Variants in CACNA2D3 observed in about 807,000 individuals in gnomAD.
The protein encoded by CACNA2D3 is voltage-dependent calcium channel subunit alpha-2/delta-3.
In CACNA2D3, 60 loss-of-function variants were observed where a neutral mutation model predicts 160.6. That is an observed-to-expected ratio of 0.37 (90% confidence interval 0.30 to 0.46). The LOEUF is 0.46. CACNA2D3 is among the 20% of genes least tolerant of loss of function. The pLI is 1.00. For synonymous variants in CACNA2D3, 558 were observed against 492.9 expected (o/e 1.13, Z -1.75); for missense variants, 1,205 against 1,365.0 (o/e 0.88, Z 1.85).
intron 17 of CACNA2D3, among the ~76,000 whole-genome samples, chr3:54,870,201 C>T (rs546600499): frequency 1.2e-3 from 177 of 152,296 alleles, no homozygotes; most frequent in Non-Finnish European, 2.1e-3. Flanking sequence ...GCCCTCCCCT[C>T]ATCCCACTGG....
intron 4 of CACNA2D3, among the ~76,000 whole-genome samples, chr3:54,403,538 A>C (rs1195652854): frequency 2.0e-5 from 3 of 152,204 alleles, no homozygotes; most frequent in Non-Finnish European, 2.9e-5. Context: ...AATATTTCAA[A>C]TAATAAGAAG....
intron 13 of CACNA2D3, among the ~76,000 whole-genome samples, chr3:54,791,669 A>G (rs1261100873): frequency 6.6e-6 from 1 of 152,074 alleles, no homozygotes; most frequent in South Asian, 2.1e-4. Context: ...CTTTTTTTCC[A>G]CTTCAAAACA....
At chr3:55,046,042 A>G (rs914463993) in intron 35 of CACNA2D3, among the ~76,000 whole-genome samples, 4 of 151,702 alleles carry the variant, frequency 2.6e-5, no homozygotes, top group Non-Finnish European at 5.9e-5. Context: ...TCTCTGAAGT[A>G]CTTCTTTAAC....
intron 4 of CACNA2D3, among the ~76,000 whole-genome samples, chr3:54,499,176 A>G (rs1701249002): frequency 6.6e-6 from 1 of 152,118 alleles, no homozygotes; most frequent in African/African-American, 2.4e-5. Flanking sequence ...TCTCTGTTAG[A>G]CACCACTTCC....
intron 2 of CACNA2D3, among the ~76,000 whole-genome samples, chr3:54,307,427 A>C (rs1244820959): frequency 6.6e-6 from 1 of 152,142 alleles, no homozygotes; most frequent in East Asian, 1.9e-4. Context: ...GGAGGCAATG[A>C]GATGTTTCCA....
At chr3:54,546,855 C>T (rs1042167540) in intron 5 of CACNA2D3, among the ~76,000 whole-genome samples, 1 of 152,166 alleles carries the variant, frequency 6.6e-6, no homozygotes, top group Non-Finnish European at 1.5e-5. Context: ...TTAAAAGACT[C>T]CCATTTCTTC....
At chr3:54,223,525 T>G (rs539043233) in intron 2 of CACNA2D3, among the ~76,000 whole-genome samples, 1 of 152,298 alleles carries the variant, frequency 6.6e-6, no homozygotes, top group East Asian at 1.9e-4. Flanking sequence ...TACTGCATAC[T>G]ACTGTAGACT....
intron 4 of CACNA2D3, among the ~76,000 whole-genome samples, chr3:54,469,236 C>T (rs1431437224): frequency 1.3e-5 from 2 of 152,324 alleles, no homozygotes; most frequent in Non-Finnish European, 1.5e-5. Context: ...AAGGAACAGG[C>T]AGCAGTCTTT....
At chr3:54,350,995 T>C (rs867309832) in intron 3 of CACNA2D3, among the ~76,000 whole-genome samples, 1 of 119,276 alleles carries the variant, frequency 8.4e-6, no homozygotes, top group Non-Finnish European at 1.8e-5. Context: ...TGTTTTTTTT[T>C]TTTTTTTTTT....
At chr3:54,247,028 A>G (rs1228117928) in intron 2 of CACNA2D3, among the ~76,000 whole-genome samples, 4 of 151,768 alleles carry the variant, frequency 2.6e-5, no homozygotes, top group Admixed American at 2.0e-4. Context: ...ACCATATCCT[A>G]CTCCGGGGCG....
At chr3:54,711,300 A>T (rs1012559640) in intron 11 of CACNA2D3, among the ~76,000 whole-genome samples, 9 of 152,164 alleles carry the variant, frequency 5.9e-5, no homozygotes, top group Admixed American at 4.6e-4. Flanking sequence ...CAAAAGACCT[A>T]TTGCACCAGT....
At chr3:54,403,993 TTAAAAGCCTCCTAAAAAA>T (rs1315555586) in intron 4 of CACNA2D3, among the ~76,000 whole-genome samples, 3 of 152,148 alleles carry the variant, frequency 2.0e-5, no homozygotes, top group Admixed American at 6.5e-5. Context: ...GAAGTAGTAA[TTAAAAGCCTCCTAAAAAA>T]TAAAAGCCCA....
chr3:55,063,772 G>T (rs1222443153), intron 35 of CACNA2D3, among the ~76,000 whole-genome samples: 1 of 152,164 alleles, frequency 6.6e-6, no homozygotes, highest in Non-Finnish European at 1.5e-5. Context: ...GAGGGATGGG[G>T]TGTCAGCCTT....
At chr3:54,774,183 A>G (rs1027476927) in intron 13 of CACNA2D3, among the ~76,000 whole-genome samples, 9 of 152,108 alleles carry the variant, frequency 5.9e-5, no homozygotes, top group Non-Finnish European at 1.2e-4. Flanking sequence ...GCGTGACTAG[A>G]TTCAGGGGTT....
At chr3:54,756,805 G>A (rs115552956) in intron 12 of CACNA2D3, among the ~76,000 whole-genome samples, 2,334 of 152,180 alleles carry the variant, frequency 0.015, 38 homozygotes, top group Non-Finnish European at 0.026. Context: ...CTTTCCTCTG[G>A]AAATGAATGT....
At chr3:54,554,868 C>CTTTTTTTTTTTTTTTTTTTTT (rs1248489904) in intron 5 of CACNA2D3, among the ~76,000 whole-genome samples, 1 of 88,170 alleles carries the variant, frequency 1.1e-5, no homozygotes, top group African/African-American at 5.0e-5. Context: ...CTCTCTCACT[C>CTTTTTTTTTTTTTTTTTTTTT]TCTTTTTTTT....
At chr3:54,282,846 G>A (rs533537863) in intron 2 of CACNA2D3, among the ~76,000 whole-genome samples, 16 of 151,248 alleles carry the variant, frequency 1.1e-4, no homozygotes, top group Admixed American at 2.6e-4. Flanking sequence ...TTTAGTTTTC[G>A]CTTTGTTTTT....
rs186360331 is a variant in CACNA2D3 at position 54,988,656 on chromosome 3, A to G, written c.2690+903A>G. The stretch of plus-strand genomic sequence containing the variant: ...TGGGTAGGCAGGCCCCTGGTTTATT[A>G]CTCTTCTGCGGCTGAATGGCTAGGA... On this transcript the variant is annotated intron_variant, in intron 31 of 37. Coordinates refer to ENST00000474759, the MANE Select transcript of CACNA2D3 (RefSeq NM_018398.3). Among the ~76,000 whole-genome samples the G allele has an allele frequency of 1.4e-3, 209 of 152,212 alleles. 1 individual carries two copies. Among genetic ancestry groups the G allele is most frequent in the African/African-American group, 4.8e-3 (201 of 41,542 alleles).
At position 54,553,206 on chromosome 3, in the gene CACNA2D3, G is replaced by A. The variant is rs145820353; in HGVS notation, c.545-9594G>A. Among the ~76,000 whole-genome samples, 555 of 152,296 alleles carry A rather than the reference G, an allele frequency of 3.6e-3. 3 individuals carry two copies. The highest frequency in any genetic ancestry group is 0.012 in the African/African-American group (518 of 41,558). Reference sequence around the variant, plus strand: ...GCAAATAAACCTATTGTATAATTCAGCACACATTAAGGACTATTTTCCAAT... The same window carrying A: ...GCAAATAAACCTATTGTATAATTCAACACACATTAAGGACTATTTTCCAAT... On this transcript the variant is annotated intron_variant, in intron 5 of 37. Coordinates refer to ENST00000474759, the MANE Select transcript of CACNA2D3 (RefSeq NM_018398.3).
Sources: gnomAD v4.1 joint callset for allele counts (sites outside exome capture counted in the v4.1 genomes callset) on GRCh38, gnomAD v4.1.1 for gene constraint, MANE v1.5 for transcripts, NCBI Gene and HGNC (gene_info 2026-07-23, HGNC 2026-07-21) for gene names.